The following EBF1 variants were observed in gnomAD, a reference collection of about 807,000 sequenced individuals.
The protein encoded by EBF1 is EBF transcription factor 1.
EBF1 carries 10 observed loss-of-function variants against 68.4 expected under a neutral mutation model. The observed-to-expected ratio is 0.15, with a 90% confidence interval of 0.09 to 0.25. The LOEUF is 0.25. Among genes scored for constraint, EBF1 ranks in the 10% least tolerant of loss-of-function variants. EBF1 has a pLI of 1.00. For missense variants in EBF1, 509 were observed against 794.4 expected, an observed-to-expected ratio of 0.64 and a Z score of 4.32; for synonymous variants, 298 against 299.8, an observed-to-expected ratio of 0.99 and a Z score of 0.06.
rs565893095 is a variant in EBF1, at chr5:158,966,933, T to C, written c.554+106463A>G. The stretch of plus-strand genomic sequence containing the variant: ...TACTTAAGCAGATAGTGAAGGATAG[T>C]AATTTAGGGCAGATGTCAAGTATAT... On this transcript the variant is annotated intron_variant, in intron 6 of 15. Transcript: ENST00000313708. Among the ~76,000 whole-genome samples the C allele has an allele frequency of 1.4e-4, 21 of 152,304 alleles. No homozygotes were observed. In the South Asian group the frequency reaches 3.9e-3, roughly 29 times the overall value.
intron 6 of EBF1, among the ~76,000 whole-genome samples, chr5:159,017,569 T>A (rs1765867236): frequency 6.6e-6 from 1 of 152,190 alleles, no homozygotes; most frequent in Non-Finnish European, 1.5e-5. Flanking sequence ...CTCAACCTTG[T>A]GGAGATAACA....
At chr5:158,943,749 G>A (rs1814014487) in intron 6 of EBF1, among the ~76,000 whole-genome samples, 1 of 152,162 alleles carries the variant, frequency 6.6e-6, no homozygotes, top group African/African-American at 2.4e-5. Context: ...ACAGAATAGT[G>A]GGGAGGGCAG....
chr5:158,941,929 C>G (rs1370361153), intron 6 of EBF1, among the ~76,000 whole-genome samples: 2 of 152,120 alleles, frequency 1.3e-5, no homozygotes, highest in Non-Finnish European at 2.9e-5. Context: ...TAAACAAAAG[C>G]CTTGGTATAG....
intron 7 of EBF1, among the ~76,000 whole-genome samples, chr5:158,830,945 A>C (rs1185402670): frequency 6.6e-6 from 1 of 152,202 alleles, no homozygotes; most frequent in Non-Finnish European, 1.5e-5. Flanking sequence ...TAACAGGAAG[A>C]CAAGAACAGA....
chr5:158,756,976 T>C (rs895709467), intron 10 of EBF1, among the ~76,000 whole-genome samples: 2 of 136,680 alleles, frequency 1.5e-5, no homozygotes, highest in Non-Finnish European at 3.2e-5. Flanking sequence ...ACCCTCATGC[T>C]GAAAAAAAAA....
intron 8 of EBF1, among the ~76,000 whole-genome samples, chr5:158,806,459 G>T (rs1029688229): frequency 7.2e-5 from 11 of 152,020 alleles, no homozygotes; most frequent in African/African-American, 2.7e-4. Flanking sequence ...GATTCCACAG[G>T]CTTCCTTCTC....
At chr5:158,896,481 A>G (rs1397949856) in intron 6 of EBF1, among the ~76,000 whole-genome samples, 2 of 152,166 alleles carry the variant, frequency 1.3e-5, no homozygotes, top group Non-Finnish European at 2.9e-5. Flanking sequence ...TGTTTTTCAT[A>G]ATTCTCTAAT....
chr5:158,932,590 G>C (rs1436090888), intron 6 of EBF1, among the ~76,000 whole-genome samples: 1 of 152,068 alleles, frequency 6.6e-6, no homozygotes, highest in African/African-American at 2.4e-5. Flanking sequence ...TCAATAATAT[G>C]TCTTTTTTAG....
intron 14 of EBF1, among the ~76,000 whole-genome samples, chr5:158,711,341 T>C (rs1273019991): frequency 2.0e-5 from 3 of 152,234 alleles, no homozygotes; most frequent in Non-Finnish European, 2.9e-5. Context: ...TTTTAGACTA[T>C]TGTTACTATG....
At chr5:158,834,782 G>T (rs1047273803) in intron 7 of EBF1, among the ~76,000 whole-genome samples, 2 of 152,212 alleles carry the variant, frequency 1.3e-5, no homozygotes, top group African/African-American at 4.8e-5. Context: ...GCCCCTGATT[G>T]CTGTTCAGAG....
Position 158,862,009 on chromosome 5 carries a change from A to G in EBF1, c.555-21899T>C, listed in dbSNP as rs140496172. Reference sequence around the variant, plus strand: ...CTTCAAAATATTGTTTTACTCCATAACATTTCATCATATACAGTAGACATT... The same window carrying G: ...CTTCAAAATATTGTTTTACTCCATAGCATTTCATCATATACAGTAGACATT... On this transcript the variant is annotated intron_variant, in intron 6 of 15. Coordinates refer to ENST00000313708, the MANE Select transcript of EBF1 (RefSeq NM_024007.5). 4.6e-3 allele frequency among the ~76,000 whole-genome samples: 699 copies of G among 152,324 alleles called. 2 individuals carry two copies. The highest frequency in any genetic ancestry group is 8.3e-3 in the Non-Finnish European group (568 of 68,030).
chr5:159,079,743 C>G (rs955350705), intron 5 of EBF1, among the ~76,000 whole-genome samples: 1 of 151,686 alleles, frequency 6.6e-6, no homozygotes, highest in African/African-American at 2.4e-5. Context: ...TCCCGAGTAG[C>G]TTGGACCACA....
intron 5 of EBF1, among the ~76,000 whole-genome samples, chr5:159,075,795 C>G (rs973496161): frequency 6.6e-6 from 1 of 152,202 alleles, no homozygotes; most frequent in Non-Finnish European, 1.5e-5. Context: ...CAACCTTCTG[C>G]CCCCTTCCTC....
At chr5:158,805,347 T>C (rs141922162) in intron 8 of EBF1, among the ~76,000 whole-genome samples, 65 of 152,216 alleles carry the variant, frequency 4.3e-4, no homozygotes, top group African/African-American at 1.5e-3. Flanking sequence ...AGGCCTTGAA[T>C]GTGTGTGCCG....
At chr5:158,848,206 A>G (rs1029599815) in intron 6 of EBF1, among the ~76,000 whole-genome samples, 1 of 152,192 alleles carries the variant, frequency 6.6e-6, no homozygotes, top group African/African-American at 2.4e-5. Flanking sequence ...CCCATCTAGT[A>G]ACAAGTGGAG....
chr5:158,883,303 TATAC>T (rs1156603100), intron 6 of EBF1, among the ~76,000 whole-genome samples: 9 of 150,830 alleles, frequency 6.0e-5, no homozygotes, highest in Admixed American at 2.0e-4. Context: ...GGAACATATA[TATAC>T]ATACATACAT....
chr5:158,940,919 C>T (rs1353904890), intron 6 of EBF1, among the ~76,000 whole-genome samples: 1 of 152,012 alleles, frequency 6.6e-6, no homozygotes, highest in Non-Finnish European at 1.5e-5. Context: ...TGATTATAAT[C>T]ATTATCTGTG....
At chr5:158,896,095 T>G (rs1802129256) in intron 6 of EBF1, among the ~76,000 whole-genome samples, 1 of 152,082 alleles carries the variant, frequency 6.6e-6, no homozygotes, top group Non-Finnish European at 1.5e-5. Flanking sequence ...AAGAAAGAAA[T>G]AATAATATGG....
chr5:158,789,906 A>G (rs1177079129), intron 9 of EBF1, among the ~76,000 whole-genome samples: 2 of 152,218 alleles, frequency 1.3e-5, no homozygotes, highest in Non-Finnish European at 2.9e-5. Context: ...AATGGAAAGT[A>G]GAGATAGATA....
Sources: gnomAD v4.1 joint callset for allele counts (sites outside exome capture counted in the v4.1 genomes callset) on GRCh38, gnomAD v4.1.1 for gene constraint, MANE v1.5 for transcripts, NCBI Gene and HGNC (gene_info 2026-07-23, HGNC 2026-07-21) for gene names.